The following ETS1 variants were observed in gnomAD, a reference collection of about 807,000 sequenced individuals.
ETS1 encodes ETS proto-oncogene 1, transcription factor.
ETS1 carries 15 observed loss-of-function variants against 58.6 expected under a neutral mutation model. That is an observed-to-expected ratio of 0.26 (90% CI 0.17 to 0.39). The LOEUF is 0.39. Among genes scored for constraint, ETS1 ranks in the 10% least tolerant of loss-of-function variants. The pLI is 1.00. For synonymous variants in ETS1, 214 were observed against 218.2 expected (o/e 0.98, Z 0.17); for missense variants, 417 against 610.5 (o/e 0.68, Z 3.34).
At chr11:128,578,766 A>T (rs1864803264) in intron 1 of ETS1, among the ~76,000 whole-genome samples, 1 of 152,194 alleles carries the variant, frequency 6.6e-6, no homozygotes, top group Admixed American at 6.5e-5. Flanking sequence ...GACATTTAAC[A>T]TAATGCTATG....
At chr11:128,484,304 G>C (rs1401073907) in intron 7 of ETS1, among the ~76,000 whole-genome samples, 1 of 152,118 alleles carries the variant, frequency 6.6e-6, no homozygotes, top group Non-Finnish European at 1.5e-5. Context: ...TAACCATCTT[G>C]TATCTTCCCA....
intron 3 of ETS1, among the ~76,000 whole-genome samples, chr11:128,547,547 T>C (rs1289756060): frequency 6.6e-6 from 1 of 152,132 alleles, no homozygotes; most frequent in African/African-American, 2.4e-5. Context: ...AAATCACTGG[T>C]ATTTCTGCCT....
In ETS1 at chr11:128,461,158, G is replaced by C. The variant is rs1239585517; in HGVS notation, c.*1203C>G. The stretch of plus-strand genomic sequence containing the variant: ...GAATAACAGAGTTGGCGGTGAGGGG[G>C]TGCAAAAAATGGAGGACTCTTGGAA... On this transcript the variant is annotated 3_prime_UTR_variant, in exon 10 of 10. Transcript: ENST00000392668. The C allele has an allele frequency of 6.6e-6, 1 of 152,596 alleles. No homozygotes were observed. The highest frequency in any genetic ancestry group is 2.4e-5 in the African/African-American group (1 of 41,398). The allele number at this position is 152,596 out of a possible 1,614,324, so 9.5% of individuals were successfully genotyped here. A position where few individuals can be genotyped will look rare whatever the true frequency, so the allele number is the denominator to read the frequency against.
chr11:128,555,711 G>A (rs889969892), intron 3 of ETS1, among the ~76,000 whole-genome samples: 3 of 152,166 alleles, frequency 2.0e-5, no homozygotes, highest in Admixed American at 6.5e-5. Flanking sequence ...GCATGGAGAT[G>A]AGGACTTCAG....
intron 3 of ETS1, among the ~76,000 whole-genome samples, chr11:128,535,478 G>GT (rs1480811148): frequency 6.6e-6 from 1 of 152,124 alleles, no homozygotes; most frequent in Non-Finnish European, 1.5e-5. Context: ...TGCTTTTGAT[G>GT]TTTTTGTCAT....
intron 1 of ETS1, among the ~76,000 whole-genome samples, chr11:128,583,167 G>T (rs760293946): frequency 6.6e-6 from 1 of 152,160 alleles, no homozygotes; most frequent in Non-Finnish European, 1.5e-5. Context: ...GCAAGGCAGC[G>T]CTGGACTAAC....
chr11:128,585,065 AAAGAAAGAAAG>A (rs1864969284), intron 1 of ETS1, among the ~76,000 whole-genome samples: 1 of 28,168 alleles, frequency 3.6e-5, no homozygotes, highest in African/African-American at 3.6e-4. Flanking sequence ...AGAAAGAAAG[AAAGAAAGAAAG>A]AGAAAGAAAG....
In ETS1 at chr11:128,549,077, G is replaced by A. The variant is rs956858060; in HGVS notation, c.214+7214C>T. Among the ~76,000 whole-genome samples, 15 of 152,190 alleles carry A rather than the reference G, an allele frequency of 9.9e-5. No homozygotes were observed. Among genetic ancestry groups the A allele is most frequent in the Non-Finnish European group, 1.8e-4 (12 of 68,028 alleles). On this transcript the variant is annotated intron_variant, in intron 3 of 9. Transcript: ENST00000392668. The surrounding 1 kb of genome is among the most constrained non-coding windows in gnomAD (Gnocchi z 4.3). The stretch of plus-strand genomic sequence containing the variant: ...GCCGCCTCCTCCAGCTGCAGGCTCC[G>A]GGCTGAGACCCCTGGCTGCAGTGCA...
At chr11:128,501,546 A>AAG (rs1863089293) in intron 3 of ETS1, among the ~76,000 whole-genome samples, 1 of 152,030 alleles carries the variant, frequency 6.6e-6, no homozygotes, top group African/African-American at 2.4e-5. Flanking sequence ...CCTATTAGCC[A>AAG]TCATTCTCAG....
intron 3 of ETS1, among the ~76,000 whole-genome samples, chr11:128,555,957 C>G (rs1864305374): frequency 6.6e-6 from 1 of 152,244 alleles, no homozygotes; most frequent in African/African-American, 2.4e-5. Flanking sequence ...TCACACACCT[C>G]TGTTTATCCA....
chr11:128,522,163 C>T, intron 3 of ETS1: 1 of 1,298,830 alleles, frequency 7.7e-7, no homozygotes, highest in Non-Finnish European at 9.8e-7. Context: ...GGACGGTGCG[C>T]GCCCGGCACT....
At chr11:128,476,706 T>C (rs554804021) in intron 8 of ETS1, among the ~76,000 whole-genome samples, 1 of 152,258 alleles carries the variant, frequency 6.6e-6, no homozygotes, top group Non-Finnish European at 1.5e-5. Context: ...ATAGAAAGCA[T>C]TGGGCTACTT....
At chr11:128,529,332 G>A (rs1029387380) in intron 3 of ETS1, among the ~76,000 whole-genome samples, 3 of 152,176 alleles carry the variant, frequency 2.0e-5, no homozygotes, top group African/African-American at 7.2e-5. Context: ...TGGGTTGGAA[G>A]TAGAAATGGG....
intron 3 of ETS1, among the ~76,000 whole-genome samples, chr11:128,525,619 G>GAAAAAAAAAAAAAAAAAAAAAAA (rs10554000): frequency 1.3e-5 from 1 of 75,818 alleles, no homozygotes; most frequent in African/African-American, 4.9e-5. Flanking sequence ...GTAAGATTTA[G>GAAAAAAAAAAAAAAAAAAAAAAA]AAAAAAAAAA....
chr11:128,569,271 G>A (rs1864571417), intron 2 of ETS1, among the ~76,000 whole-genome samples: 1 of 135,408 alleles, frequency 7.4e-6, no homozygotes, highest in African/African-American at 2.8e-5. Flanking sequence ...ATACTCTCAT[G>A]GTTTTCTTTT....
chr11:128,523,662 C>G (rs1016598025), intron 3 of ETS1, among the ~76,000 whole-genome samples: 2 of 152,178 alleles, frequency 1.3e-5, no homozygotes, highest in African/African-American at 4.8e-5. Context: ...GGGGAGGAAG[C>G]CAGGAACAGA....
intron 2 of ETS1, among the ~76,000 whole-genome samples, chr11:128,571,166 C>T (rs932466005): frequency 2.0e-5 from 3 of 151,814 alleles, no homozygotes; most frequent in Admixed American, 6.6e-5. Context: ...CGGTGGCTCA[C>T]GCTTGTAATC....
rs1222659688 is a variant in ETS1, at chr11:128,462,461, C to T, written c.1358G>A (p.Arg453His). 1 of 1,614,178 alleles carries T rather than the reference C, an allele frequency of 6.2e-7. No individual in the cohort carries two copies. The highest frequency in any genetic ancestry group is 1.7e-5 in the Admixed American group (1 of 60,020). Reference protein sequence around the residue: ...KNIIHKTAGKRYVYRFVCDLQ... With the variant: ...KNIIHKTAGKHYVYRFVCDLQ... ...GTCACACACAAAGCGGTACACGTAG[C>T]GTTTCCCCGCTGTCTTGTGGATGAT... is the stretch of plus-strand genomic sequence containing the variant. The change falls in exon 10 of 10, where the codon CGC becomes CAC. Residue 453 changes from arginine to histidine, a missense_variant. By Grantham distance (29) the Arg-to-His change is conservative (BLOSUM62 0). Transcript: ENST00000392668.
chr11:128,556,795 C>T (rs994799633), intron 2 of ETS1, among the ~76,000 whole-genome samples: 1 of 151,948 alleles, frequency 6.6e-6, no homozygotes, highest in Non-Finnish European at 1.5e-5. Context: ...TCTGTAAAAA[C>T]GTCATGAAAG....
Sources: allele counts gnomAD v4.1 joint callset (sites outside exome capture counted in the v4.1 genomes callset), GRCh38; gene constraint gnomAD v4.1.1; non-coding constraint Gnocchi (gnomAD v3.1); transcripts MANE v1.5; gene names NCBI Gene and HGNC (gene_info 2026-07-23, HGNC 2026-07-21).